The following CNTNAP2 variants were observed in gnomAD, a reference collection of about 807,000 sequenced individuals.
CNTNAP2 encodes the protein contactin associated protein 2, also known as contactin-associated protein-like 2.
Under a neutral mutation model 155.2 loss-of-function variants are expected in CNTNAP2, and 98 were observed. The observed-to-expected ratio is 0.63, with a 90% confidence interval of 0.54 to 0.75. CNTNAP2 has a LOEUF of 0.75. CNTNAP2 is among the 30% of genes least tolerant of loss of function. CNTNAP2 has a pLI of 0.00. For missense variants in CNTNAP2, 1,727 were observed against 1,688.1 expected, an observed-to-expected ratio of 1.02 and a Z score of -0.40; for synonymous variants, 651 against 631.2, an observed-to-expected ratio of 1.03 and a Z score of -0.47.
At chr7:147,388,960 A>G (rs180946280) in intron 9 of CNTNAP2, among the ~76,000 whole-genome samples, 1 of 152,086 alleles carries the variant, frequency 6.6e-6, no homozygotes, top group Non-Finnish European at 1.5e-5. Context: ...TGCCCAATCA[A>G]CCTGTACTGT....
chr7:146,738,849 T>TTG (rs1801663337), intron 1 of CNTNAP2, among the ~76,000 whole-genome samples: 1 of 151,756 alleles, frequency 6.6e-6, no homozygotes, highest in African/African-American at 2.4e-5. Flanking sequence ...CTGTTTTTTT[T>TTG]TTTTCATAAT....
chr7:146,515,467 T>G (rs58536436), intron 1 of CNTNAP2, among the ~76,000 whole-genome samples: 36 of 152,118 alleles, frequency 2.4e-4, no homozygotes, highest in African/African-American at 8.4e-4. Flanking sequence ...GCCTAAGTTT[T>G]GAGTTTTGGG....
intron 20 of CNTNAP2, among the ~76,000 whole-genome samples, chr7:148,257,707 G>T (rs984323824): frequency 6.6e-6 from 1 of 152,262 alleles, no homozygotes; most frequent in South Asian, 2.1e-4. Flanking sequence ...CAGAGCAGGG[G>T]CAAGTGTCTC....
intron 13 of CNTNAP2, among the ~76,000 whole-genome samples, chr7:147,768,890 T>C (rs1418201744): frequency 4.6e-5 from 7 of 152,122 alleles, no homozygotes; most frequent in Non-Finnish European, 2.9e-5. Flanking sequence ...AATTATAATA[T>C]AGGTCATTAC....
At chr7:147,075,598 TATG>T (rs1481240716) in intron 4 of CNTNAP2, among the ~76,000 whole-genome samples, 3 of 152,200 alleles carry the variant, frequency 2.0e-5, no homozygotes, top group African/African-American at 7.2e-5. Context: ...ACATTTTTAA[TATG>T]ATATTTTTAA....
chr7:146,399,402 T>C (rs1403010), intron 1 of CNTNAP2, among the ~76,000 whole-genome samples: 18,797 of 152,174 alleles, frequency 0.12, 1,627 homozygotes, highest in African/African-American at 0.24. Flanking sequence ...TATGACTCCA[T>C]TTATACATGA....
intron 21 of CNTNAP2, among the ~76,000 whole-genome samples, chr7:148,317,551 A>C (rs537707956): frequency 6.6e-6 from 1 of 152,242 alleles, no homozygotes; most frequent in Admixed American, 6.5e-5. Flanking sequence ...ATTTTTAATT[A>C]AAAAAGGACC....
intron 1 of CNTNAP2, among the ~76,000 whole-genome samples, chr7:146,241,823 T>TAC (rs927212603): frequency 2.5e-4 from 36 of 146,470 alleles, no homozygotes; most frequent in African/African-American, 8.7e-4. Context: ...TATATACCTA[T>TAC]ACACACACAC....
intron 22 of CNTNAP2, among the ~76,000 whole-genome samples, chr7:148,401,755 C>T (rs1799588689): frequency 6.6e-6 from 1 of 152,036 alleles, no homozygotes; most frequent in Admixed American, 6.6e-5. Flanking sequence ...CCCACCACCA[C>T]ACCCAGCTAC....
intron 1 of CNTNAP2, among the ~76,000 whole-genome samples, chr7:146,327,710 G>A (rs1173650622): frequency 6.6e-6 from 1 of 152,068 alleles, no homozygotes; most frequent in Non-Finnish European, 1.5e-5. Context: ...TAAATTAATG[G>A]CCCCTTAACT....
rs538195529 is a variant in CNTNAP2, at chr7:148,226,166, G to A, written c.3248-3480G>A. Among the ~76,000 whole-genome samples, 11 of 152,174 alleles carry A rather than the reference G, an allele frequency of 7.2e-5. No individual in the cohort carries two copies. In the South Asian group the frequency reaches 2.1e-3, roughly 29 times the overall value. Reference sequence around the variant, plus strand: ...CTGGAATATCATTTTGAAGATTGCTGATAAGTACAGGTGTTTCTGTAGCTT... The same window carrying A: ...CTGGAATATCATTTTGAAGATTGCTAATAAGTACAGGTGTTTCTGTAGCTT... On this transcript the variant is annotated intron_variant, in intron 19 of 23. Transcript: ENST00000361727.
chr7:146,727,381 GT>G (rs1801449436), intron 1 of CNTNAP2, among the ~76,000 whole-genome samples: 1 of 152,166 alleles, frequency 6.6e-6, no homozygotes, highest in Admixed American at 6.5e-5. Flanking sequence ...CATAATCAAA[GT>G]CAGTAGTTTA....
intron 15 of CNTNAP2, among the ~76,000 whole-genome samples, chr7:147,981,715 G>A (rs1304522501): frequency 2.6e-5 from 4 of 151,900 alleles, no homozygotes. Flanking sequence ...AAATGCTAAA[G>A]AAAATCAGTG....
At chr7:147,021,543 G>A (rs1798817091) in intron 3 of CNTNAP2, among the ~76,000 whole-genome samples, 1 of 151,994 alleles carries the variant, frequency 6.6e-6, no homozygotes, top group African/African-American at 2.4e-5. Context: ...TTTGCTCTAA[G>A]GTCAAAATAG....
chr7:147,603,207 G>A (rs2116864032), intron 12 of CNTNAP2, among the ~76,000 whole-genome samples: 1 of 151,950 alleles, frequency 6.6e-6, no homozygotes, highest in Non-Finnish European at 1.5e-5. Context: ...ATCTCACTGT[G>A]GTTTTGATTT....
Position 147,927,362 on chromosome 7 carries a change from T to C in CNTNAP2, c.2255+23641T>C, listed in dbSNP as rs146922245. Among the ~76,000 whole-genome samples, 229 of 152,314 alleles carry C rather than the reference T, an allele frequency of 1.5e-3. 1 individual carries two copies. The highest frequency in any genetic ancestry group is 5.0e-3 in the African/African-American group (209 of 41,580). On this transcript the variant is annotated intron_variant, in intron 14 of 23. Coordinates refer to ENST00000361727, the MANE Select transcript of CNTNAP2 (RefSeq NM_014141.6). ...TTCATTGAAATACTTTCAGTATTAG[T>C]AGCTAAATAGGGTTCTTTTTAAAGT...
intron 4 of CNTNAP2, among the ~76,000 whole-genome samples, chr7:147,050,204 G>A (rs992687433): frequency 3.9e-5 from 6 of 152,100 alleles, no homozygotes; most frequent in African/African-American, 1.4e-4. Flanking sequence ...CTTCTTACGC[G>A]ATACCAGTGG....
intron 1 of CNTNAP2, among the ~76,000 whole-genome samples, chr7:146,692,828 CTAT>C (rs1367049655): frequency 6.6e-6 from 1 of 152,046 alleles, no homozygotes; most frequent in Non-Finnish European, 1.5e-5. Context: ...GCTATTATGA[CTAT>C]TATTTTGAAT....
At chr7:146,880,837 CAG>C (rs770938763) in intron 3 of CNTNAP2, among the ~76,000 whole-genome samples, 6 of 152,098 alleles carry the variant, frequency 3.9e-5, no homozygotes, top group Admixed American at 1.3e-4. Flanking sequence ...TACAAAATCT[CAG>C]GGGATGAAAT....
Sources: allele counts gnomAD v4.1 joint callset (sites outside exome capture counted in the v4.1 genomes callset), GRCh38; gene constraint gnomAD v4.1.1; transcripts MANE v1.5; gene names NCBI Gene and HGNC (gene_info 2026-07-23, HGNC 2026-07-21).